The following PPRC1 variants were observed in gnomAD, a reference collection of about 807,000 sequenced individuals.
The protein encoded by PPRC1 is peroxisome proliferator-activated receptor gamma coactivator-related protein 1.
Under a neutral mutation model 132.5 loss-of-function variants are expected in PPRC1, and 23 were observed. The observed-to-expected ratio is 0.17, with a 90% CI of 0.12 to 0.25. The LOEUF is 0.25. Ranked by LOEUF, PPRC1 falls within the 10% of genes least tolerant of loss-of-function variation. PPRC1 has a pLI of 1.00. For missense variants in PPRC1, 2,006 were observed against 2,089.1 expected (o/e 0.96, Z 0.78); for synonymous variants, 872 against 833.5 (o/e 1.05, Z -0.80).
At chr10:102,126,458 C>CTT in the PPRC1 span, among the ~76,000 whole-genome samples, 9 of 140,130 alleles carry the variant, frequency 6.4e-5, no homozygotes, top group South Asian at 2.3e-4. Context: ...TGAACTATAA[C>CTT]TTTTTTTTTT....
At chr10:102,126,720 A>G in the PPRC1 span, among the ~76,000 whole-genome samples, 2 of 151,898 alleles carry the variant, frequency 1.3e-5, no homozygotes, top group African/African-American at 4.8e-5. Flanking sequence ...CGGCCTCCCA[A>G]AATGCTAGGA....
chr10:102,119,987 C>T, the PPRC1 span: 1 of 939,836 alleles, frequency 1.1e-6, no homozygotes, highest in Non-Finnish European at 1.5e-6. Context: ...TCCCCCATGC[C>T]ATCGACGCCC....
the PPRC1 span, chr10:102,119,954 C>A: frequency 8.4e-6 from 5 of 595,942 alleles, no homozygotes; most frequent in Admixed American, 1.2e-4. Flanking sequence ...TGAGGCCCCG[C>A]GTAGCCCTTC....
chr10:102,133,008 A>T (rs928683276), upstream of PPRC1: 5 of 1,235,874 alleles, frequency 4.0e-6, no homozygotes, highest in African/African-American at 7.8e-5. Context: ...TTCCTTTCCC[A>T]CAATCGGCTG....
chr10:102,128,408 T>C (rs2068494747), upstream of PPRC1, among the ~76,000 whole-genome samples: 2 of 151,882 alleles, frequency 1.3e-5, no homozygotes, highest in Admixed American at 6.6e-5. Context: ...CCTCCCAAAG[T>C]GCTGGGATTA....
In PPRC1 at chr10:102,144,282, G is replaced by A. The variant is rs1212404847; in HGVS notation, c.3583G>A (p.Asp1195Asn). ...GGAGTGTCCTCCTCCGGCTCCTGCTGACAGCTTGGCTGTAGGAAACTCAGG... is the reference window on the plus strand; with the variant it reads ...GGAGTGTCCTCCTCCGGCTCCTGCTAACAGCTTGGCTGTAGGAAACTCAGG... ...KKECPPPAPA[D>N]SLAVGNSGGV... The change falls in exon 7 of 14, where the codon GAC becomes AAC. Residue 1195 changes from aspartate (D) to asparagine (N), a missense_variant. Coordinates refer to ENST00000278070, the MANE Select transcript of PPRC1 (RefSeq NM_015062.5). 6.2e-7 allele frequency: 1 copy of A among 1,614,008 alleles called. No individual in the cohort carries two copies. The highest frequency in any genetic ancestry group is 8.5e-7 in the Non-Finnish European group (1 of 1,180,038).
At chr10:102,145,689 C>G (rs1181388150) in intron 8 of PPRC1, among the ~76,000 whole-genome samples, 1 of 151,600 alleles carries the variant, frequency 6.6e-6, no homozygotes, top group Non-Finnish European at 1.5e-5. Context: ...ATGGTGAAAC[C>G]CCATCTCTAC....
chr10:102,120,489 G>T, the PPRC1 span: 1 of 658,102 alleles, frequency 1.5e-6, no homozygotes, highest in Non-Finnish European at 1.9e-6. Flanking sequence ...CGGCTCCCCA[G>T]CCCAAGCCGG....
chr10:102,146,733 G>C lies in PPRC1; in HGVS notation c.3741G>C (p.Leu1247=). The change falls in exon 9 of 14, where the codon CTG becomes CTC. Residue 1247 remains leucine, a synonymous_variant. Coordinates refer to ENST00000278070, the MANE Select transcript of PPRC1 (RefSeq NM_015062.5). Reference sequence around the variant, plus strand: ...GGAAGCCCCTGGCTGCTGTCTCACTGCTGGCCAAAGCCAAATCTCCTAAGT... The same window carrying C: ...GGAAGCCCCTGGCTGCTGTCTCACTCCTGGCCAAAGCCAAATCTCCTAAGT... ...QLWKPLAAVS[L]LAKAKSPKST... 1 of 1,613,896 alleles carries C rather than the reference G, an allele frequency of 6.2e-7. No homozygotes were observed. Among genetic ancestry groups the C allele is most frequent in the Non-Finnish European group, 8.5e-7 (1 of 1,179,964 alleles).
At position 102,149,247 on chromosome 10, in the gene PPRC1, G is replaced by A. The variant is rs910693829; in HGVS notation, c.4809G>A (p.Lys1603=). The A allele has an allele frequency of 9.3e-6, 15 of 1,612,518 alleles. No homozygotes were observed. The highest frequency in any genetic ancestry group is 1.3e-5 in the Non-Finnish European group (15 of 1,179,320). Reference sequence around the variant, plus strand: ...TTGCAGCCATTGAGAGTGGCCACAAGCTGCGGCAGGCAGATGAGCAGCCCT... The same window carrying A: ...TTGCAGCCATTGAGAGTGGCCACAAACTGCGGCAGGCAGATGAGCAGCCCT... ...EAFAAIESGH[K]LRQADEQPFD... Residue 1603 remains lysine, a synonymous_variant, in exon 13 of 14, where the codon AAG becomes AAA. Coordinates refer to ENST00000278070, the MANE Select transcript of PPRC1 (RefSeq NM_015062.5).
chr10:102,132,246 T>C (rs573421137), upstream of PPRC1, among the ~76,000 whole-genome samples: 33 of 152,380 alleles, frequency 2.2e-4, no homozygotes, highest in African/African-American at 7.7e-4. Context: ...TTTTTGTGCT[T>C]TGTAAAAAGT....
At chr10:102,126,742 A>G in the PPRC1 span, among the ~76,000 whole-genome samples, 1 of 151,972 alleles carries the variant, frequency 6.6e-6, no homozygotes, top group Non-Finnish European at 1.5e-5. Context: ...TACAGGTGTA[A>G]GACACCACAC....
chr10:102,148,801 TC>T lies in PPRC1; in HGVS notation c.4618-15del. ...TGGCTAATGGTGTGTTGATTTTTTT[TC>T]ATTTCCAAACATAGGAAGAAAGAAG... On this transcript the variant is annotated splice_polypyrimidine_tract_variant and intron_variant, in intron 11 of 13. Coordinates refer to ENST00000278070, the MANE Select transcript of PPRC1 (RefSeq NM_015062.5). This position sits in a 1 kb window ranked among gnomAD's most constrained non-coding sequence, Gnocchi z 4.2. 6.2e-7 allele frequency: 1 copy of T among 1,614,142 alleles called. No individual in the cohort carries two copies. Among genetic ancestry groups the T allele is most frequent in the Non-Finnish European group, 8.5e-7 (1 of 1,180,016 alleles).
At position 102,150,009 on chromosome 10, in the gene PPRC1, C is replaced by A. The variant is rs2069440551; in HGVS notation, c.4975C>A (p.Gln1659Lys). The part of the protein sequence containing the change: ...LDFDTLLKQA[Q>K]KNLRR ...CTTTGACACATTGTTGAAACAGGCCCAGAAGAACCTCAGGAGGTAACCTTG... is the reference window on the plus strand; with the variant it reads ...CTTTGACACATTGTTGAAACAGGCCAAGAAGAACCTCAGGAGGTAACCTTG... Residue 1659 changes from glutamine (Q) to lysine (K), a missense_variant, in exon 14 of 14, where the codon CAG (glutamine) becomes AAG (lysine). This residue lies in a region of PPRC1 where 92 missense variants were observed against 171.9 expected (regional missense o/e 0.54). Transcript: ENST00000278070. 1 of 1,612,718 alleles carries A rather than the reference C, an allele frequency of 6.2e-7. No homozygotes were observed. Among genetic ancestry groups the A allele is most frequent in the Middle Eastern group, 1.6e-4 (1 of 6,062 alleles).
chr10:102,137,781 GA>G (rs2068778712), intron 1 of PPRC1, 68 bp from the exon 2 acceptor site: 6 of 1,485,050 alleles, frequency 4.0e-6, no homozygotes, highest in Non-Finnish European at 5.5e-6. Flanking sequence ...GAGGGTACCT[GA>G]TTTATGGAGC....
the PPRC1 span, among the ~76,000 whole-genome samples, chr10:102,124,921 C>T: frequency 3.3e-5 from 5 of 152,044 alleles, no homozygotes; most frequent in Non-Finnish European, 7.4e-5. Context: ...GCTGGGATTA[C>T]AGACATGAGC....
upstream of PPRC1, among the ~76,000 whole-genome samples, chr10:102,131,193 CAA>C (rs1175316312): frequency 4.6e-4 from 37 of 80,636 alleles, no homozygotes; most frequent in Non-Finnish European, 4.1e-4. Context: ...CACTCCATCT[CAA>C]AAAAAAAAAA....
chr10:102,150,160 T>TA lies in PPRC1; in HGVS notation c.*137dup. 1 of 663,508 alleles carries TA rather than the reference T, an allele frequency of 1.5e-6. No homozygotes were observed. The highest frequency in any genetic ancestry group is 2.6e-6 in the Non-Finnish European group (1 of 384,318). The allele number at this position is 663,508 out of a possible 1,614,324, so 41.1% of individuals were successfully genotyped here. A position where few individuals can be genotyped will look rare whatever the true frequency, so the allele number is the denominator to read the frequency against. On this transcript the variant is annotated 3_prime_UTR_variant, in exon 14 of 14. Coordinates refer to ENST00000278070, the MANE Select transcript of PPRC1 (RefSeq NM_015062.5). Reference sequence around the variant, plus strand: ...TATAAAGAAATGGAAAAAAGTGAAATAAAAAATATGTTGAATCAGATTTTT... The same window carrying TA: ...TATAAAGAAATGGAAAAAAGTGAAATAAAAAAATATGTTGAATCAGATTTTT...
the PPRC1 span, among the ~76,000 whole-genome samples, chr10:102,125,341 C>T: frequency 6.6e-6 from 1 of 151,674 alleles, no homozygotes; most frequent in African/African-American, 2.4e-5. Context: ...TCACTGCAAC[C>T]TCCGCCTCCT....
Sources: allele counts gnomAD v4.1 joint callset (sites outside exome capture counted in the v4.1 genomes callset), GRCh38; gene constraint gnomAD v4.1.1; regional missense constraint gnomAD v4.1.1; non-coding constraint Gnocchi (gnomAD v3.1); transcripts MANE v1.5; gene names NCBI Gene and HGNC (gene_info 2026-07-23, HGNC 2026-07-21).